The following ANO6 variants were observed in gnomAD, a reference collection of about 807,000 sequenced individuals.
ANO6 encodes anoctamin-6.
ANO6 carries 106 observed loss-of-function variants against 117.5 expected under a neutral mutation model. The observed-to-expected ratio is 0.90, with a 90% CI of 0.77 to 1.06. ANO6 has a LOEUF of 1.06. Among genes scored for constraint, ANO6 ranks in the 50% least tolerant of loss-of-function variants. The probability of loss-of-function intolerance (pLI) is 0.00; values close to 1 mark genes in which losing one functional copy is unlikely to be tolerated. For synonymous variants in ANO6, 367 were observed against 385.1 expected (o/e 0.95, Z 0.55); for missense variants, 955 against 1,121.1 (o/e 0.85, Z 2.12).
chr12:45,420,990 G>T, intron 17 of ANO6, 81 bp from the exon 18 acceptor site: 1 of 1,476,810 alleles, frequency 6.8e-7, no homozygotes. Context: ...GTGCCATGCA[G>T]CCTGGGCAGC....
chr12:45,401,599 C>T (rs533517318), intron 12 of ANO6, among the ~76,000 whole-genome samples, 196 bp from the exon 13 acceptor site: 39 of 152,246 alleles, frequency 2.6e-4, no homozygotes, highest in African/African-American at 8.4e-4. Flanking sequence ...TATGTGGATG[C>T]GCCTTCTTTT....
In ANO6 at chr12:45,431,583, A is replaced by C; in HGVS notation, c.*2272A>C. ...AAAGGCACCAAATGTAATATCTGAC[A>C]CTGTTAAGATGCCCAAAAGAGCAAA... is the stretch of plus-strand genomic sequence containing the variant. On this transcript the variant is annotated 3_prime_UTR_variant, in exon 20 of 20. Coordinates refer to ENST00000320560, the MANE Select transcript of ANO6 (RefSeq NM_001025356.3). 1 of 985,470 alleles carries C rather than the reference A, an allele frequency of 1.0e-6. No individual in the cohort carries two copies. Among genetic ancestry groups the C allele is most frequent in the Non-Finnish European group, 1.2e-6 (1 of 829,936 alleles). The allele number at this position is 985,470 out of a possible 1,614,324, so 61.0% of individuals were successfully genotyped here. A position where few individuals can be genotyped will look rare whatever the true frequency, so the allele number is the denominator to read the frequency against.
At chr12:45,319,705 C>T (rs1244378494) in intron 2 of ANO6, among the ~76,000 whole-genome samples, 1 of 152,124 alleles carries the variant, frequency 6.6e-6, no homozygotes, top group Non-Finnish European at 1.5e-5. Flanking sequence ...CCAGTTCCTC[C>T]TTGTACCTCT....
At chr12:45,439,435 T>G (rs930770470) in intron 19 of ANO6, among the ~76,000 whole-genome samples, 1 of 152,162 alleles carries the variant, frequency 6.6e-6, no homozygotes, top group Non-Finnish European at 1.5e-5. Context: ...GAGACAAACC[T>G]AAGCAGGAGG....
At position 45,359,064 on chromosome 12, in the gene ANO6, G is replaced by A. The variant is rs931381177; in HGVS notation, c.998+1640G>A. Among the ~76,000 whole-genome samples the A allele has an allele frequency of 7.2e-5, 11 of 152,146 alleles. 1 individual carries two copies. Among genetic ancestry groups the A allele is most frequent in the South Asian group, 6.2e-4 (3 of 4,830 alleles). The stretch of plus-strand genomic sequence containing the variant: ...CTCCCAAAGTGCTGGGATTACAGGC[G>A]TGAGCCACTGTGCCCGGTCCTTATG... On this transcript the variant is annotated intron_variant, in intron 8 of 19. Coordinates refer to ENST00000320560, the MANE Select transcript of ANO6 (RefSeq NM_001025356.3).
intron 3 of ANO6, among the ~76,000 whole-genome samples, chr12:45,339,730 A>G (rs1294673101): frequency 6.6e-6 from 1 of 152,126 alleles, no homozygotes; most frequent in Non-Finnish European, 1.5e-5. Context: ...CTTCGGGAGA[A>G]CTAATAAATA....
chr12:45,326,523 C>T (rs1268390037), intron 2 of ANO6, among the ~76,000 whole-genome samples: 1 of 152,086 alleles, frequency 6.6e-6, no homozygotes, highest in African/African-American at 2.4e-5. Context: ...CAGGCTGGTG[C>T]CCTTCTAAAA....
At chr12:45,438,246 C>T (rs1325970325) in intron 19 of ANO6, among the ~76,000 whole-genome samples, 3 of 125,256 alleles carry the variant, frequency 2.4e-5, no homozygotes, top group Non-Finnish European at 5.4e-5. Flanking sequence ...CACATATTTG[C>T]GTGTATGTGT....
intron 1 of ANO6, among the ~76,000 whole-genome samples, chr12:45,299,648 C>G (rs1939413945): frequency 6.6e-6 from 1 of 151,954 alleles, no homozygotes; most frequent in Admixed American, 6.6e-5. Flanking sequence ...GTCAGGAGTT[C>G]AAGACCAGCC....
At chr12:45,367,274 A>G (rs1434233106) in intron 8 of ANO6, among the ~76,000 whole-genome samples, 2 of 152,176 alleles carry the variant, frequency 1.3e-5, no homozygotes, top group Non-Finnish European at 2.9e-5. Flanking sequence ...GAGCCACTGC[A>G]CCTGGCCTTT....
chr12:45,262,255 GC>G (rs772987006), intron 1 of ANO6, among the ~76,000 whole-genome samples: 4 of 152,084 alleles, frequency 2.6e-5, no homozygotes, highest in Non-Finnish European at 5.9e-5. Context: ...ATGGTATCCT[GC>G]CTTTTCACTT....
At chr12:45,271,044 A>G (rs1470181147) in intron 1 of ANO6, among the ~76,000 whole-genome samples, 1 of 152,160 alleles carries the variant, frequency 6.6e-6, no homozygotes. Flanking sequence ...TTACCTGTCT[A>G]TGGCTCACTG....
At chr12:45,403,558 C>G in intron 15 of ANO6, 22 bp downstream of exon 15, 1 of 1,585,424 alleles carries the variant, frequency 6.3e-7, no homozygotes, top group Non-Finnish European at 8.7e-7. Flanking sequence ...ATTGTATAGC[C>G]ATGGGTAAAA....
intron 3 of ANO6, among the ~76,000 whole-genome samples, chr12:45,345,714 T>C (rs1296611538): frequency 2.6e-5 from 4 of 151,814 alleles, no homozygotes; most frequent in African/African-American, 4.8e-5. Context: ...GCATGGAGAG[T>C]TTAATTTTCT....
chr12:45,238,748 G>A (rs553440167), intron 1 of ANO6, among the ~76,000 whole-genome samples: 5 of 152,310 alleles, frequency 3.3e-5, no homozygotes, highest in African/African-American at 9.6e-5. Flanking sequence ...TTTTTAGCAT[G>A]AAGGGCTGTT....
intron 1 of ANO6, among the ~76,000 whole-genome samples, chr12:45,269,579 T>C (rs1202010373): frequency 1.3e-5 from 2 of 152,238 alleles, no homozygotes; most frequent in African/African-American, 4.8e-5. Context: ...CATTGCCTAA[T>C]AAGTGGATTT....
At chr12:45,218,390 CTTTTTTTTTTT>C (rs76855973) in intron 1 of ANO6, among the ~76,000 whole-genome samples, 3 of 110,134 alleles carry the variant, frequency 2.7e-5, no homozygotes, top group Admixed American at 1.9e-4. Context: ...CTTTCTTTCT[CTTTTTTTTTTT>C]TTTTTTTTTT....
At chr12:45,416,058 T>C (rs1276029029) in intron 16 of ANO6, among the ~76,000 whole-genome samples, 2 of 152,212 alleles carry the variant, frequency 1.3e-5, no homozygotes, top group Non-Finnish European at 2.9e-5. Flanking sequence ...TTTTGACTTA[T>C]TATGACCACA....
At chr12:45,424,706 G>GCTGGT (rs1483568611) in intron 19 of ANO6, among the ~76,000 whole-genome samples, 6 of 152,086 alleles carry the variant, frequency 3.9e-5, no homozygotes, top group African/African-American at 1.4e-4. Context: ...CAAAGAGCAA[G>GCTGGT]CTGGTACCCA....
Sources: allele counts gnomAD v4.1 joint callset (sites outside exome capture counted in the v4.1 genomes callset), GRCh38; gene constraint gnomAD v4.1.1; transcripts MANE v1.5; gene names NCBI Gene and HGNC (gene_info 2026-07-23, HGNC 2026-07-21).